The following CEP128 variants were observed in gnomAD, a reference collection of about 807,000 sequenced individuals.
The protein encoded by CEP128 is centrosomal protein 128.
In CEP128, 132 loss-of-function variants were observed where a neutral mutation model predicts 156.7. The observed-to-expected ratio is 0.84, with a 90% CI of 0.73 to 0.97. The LOEUF (loss-of-function observed/expected upper bound fraction) is 0.97. Among genes scored for constraint, CEP128 ranks in the 50% least tolerant of loss-of-function variants. CEP128 has a pLI of 0.00. For synonymous variants in CEP128, 469 were observed against 448.9 expected, an observed-to-expected ratio of 1.04 and a Z score of -0.57; for missense variants, 1,252 against 1,281.9, an observed-to-expected ratio of 0.98 and a Z score of 0.36.
intron 8 of CEP128, among the ~76,000 whole-genome samples, chr14:80,879,096 G>GA (rs942288841): frequency 2.0e-5 from 3 of 152,216 alleles, no homozygotes; most frequent in Admixed American, 6.5e-5. Flanking sequence ...GATCACAACT[G>GA]AAAAAACTTC....
intron 8 of CEP128, among the ~76,000 whole-genome samples, chr14:80,879,554 CAAG>C (rs1888433503): frequency 6.6e-6 from 1 of 150,706 alleles, no homozygotes; most frequent in Non-Finnish European, 1.5e-5. Flanking sequence ...ATCAATGAGA[CAAG>C]AATAAAATTG....
At chr14:80,481,476 C>T (rs8020519) in intron 14 of CEP128, among the ~76,000 whole-genome samples, 119,167 of 152,076 alleles carry the variant, frequency 0.78, 49,101 homozygotes, top group Non-Finnish European at 0.9. Flanking sequence ...CCAAACCATA[C>T]CACAAGGCTT....
At chr14:80,518,242 C>T (rs1021324037) in intron 23 of CEP128, among the ~76,000 whole-genome samples, 22 of 151,296 alleles carry the variant, frequency 1.5e-4, no homozygotes, top group African/African-American at 5.1e-4. Flanking sequence ...TTTTAGTGAG[C>T]TCTCTTTACT....
chr14:80,901,075 G>A (rs1224028238), intron 6 of CEP128, among the ~76,000 whole-genome samples: 1 of 151,852 alleles, frequency 6.6e-6, no homozygotes, highest in Non-Finnish European at 1.5e-5. Flanking sequence ...GCGTGGTAGC[G>A]GGCGCCTGTA....
intron 4 of CEP128, among the ~76,000 whole-genome samples, chr14:80,910,393 T>C (rs1656596508): frequency 6.6e-6 from 1 of 152,204 alleles, no homozygotes; most frequent in Non-Finnish European, 1.5e-5. Context: ...AGAGTTCTTA[T>C]GAATGGTCTA....
exon 15 of CEP128, chr14:80,477,093 A>G (rs1375987002): frequency 6.6e-6 from 1 of 152,210 alleles, no homozygotes. Flanking sequence ...ACCACATCAT[A>G]CAATTAAGAA....
intron 13 of CEP128, among the ~76,000 whole-genome samples, chr14:80,812,111 A>G (rs759032145): frequency 2.6e-5 from 4 of 152,144 alleles, no homozygotes; most frequent in South Asian, 2.1e-4. Flanking sequence ...GCCCATGTGT[A>G]ATCACTGTTT....
At chr14:80,852,750 C>A (rs1192756140) in intron 9 of CEP128, among the ~76,000 whole-genome samples, 1 of 151,644 alleles carries the variant, frequency 6.6e-6, no homozygotes, top group Non-Finnish European at 1.5e-5. Context: ...AATAGATAAT[C>A]CCTCTCTTAC....
chr14:80,766,389 A>T (rs1235140676), intron 16 of CEP128, among the ~76,000 whole-genome samples: 1 of 152,240 alleles, frequency 6.6e-6, no homozygotes, highest in East Asian at 1.9e-4. Context: ...AATTCAAAAG[A>T]TAAGAAATGC....
intron 23 of CEP128, among the ~76,000 whole-genome samples, chr14:80,514,251 A>G (rs892617343): frequency 6.6e-6 from 1 of 152,096 alleles, no homozygotes; most frequent in African/African-American, 2.4e-5. Flanking sequence ...CTGTACCCCA[A>G]CCACCTTGGG....
At chr14:80,822,454 C>T (rs1204256537) in intron 13 of CEP128, 13 of 518,878 alleles carry the variant, frequency 2.5e-5, no homozygotes, top group Non-Finnish European at 4.5e-5. Context: ...GAGGCGAGAA[C>T]GAACCCCTAA....
intron 19 of CEP128, among the ~76,000 whole-genome samples, chr14:80,642,242 C>G (rs1298522056): frequency 6.6e-6 from 1 of 152,086 alleles, no homozygotes; most frequent in Non-Finnish European, 1.5e-5. Context: ...GTAGAAACAC[C>G]TCATTCTAAG....
intron 18 of CEP128, among the ~76,000 whole-genome samples, chr14:80,754,424 T>G (rs769825958): frequency 1.3e-4 from 20 of 151,874 alleles, no homozygotes; most frequent in Non-Finnish European, 2.6e-4. Context: ...CTGCATATTG[T>G]CTGTCTTTCC....
intron 6 of CEP128, 152 bp from the exon 7 acceptor site, chr14:80,900,181 A>C (rs1330250634): frequency 1.9e-6 from 1 of 524,220 alleles, no homozygotes; most frequent in Non-Finnish European, 3.3e-6. Flanking sequence ...TGAAAGAAAA[A>C]AATTTTCCAA....
chr14:80,591,270 G>A (rs141183547), intron 19 of CEP128, among the ~76,000 whole-genome samples: 209 of 151,892 alleles, frequency 1.4e-3, no homozygotes, highest in African/African-American at 4.7e-3. Flanking sequence ...CCCATCTCAC[G>A]TACAAAGACA....
In CEP128 at chr14:80,513,192, T is replaced by G. The variant is rs552392982; in HGVS notation, c.3073-8172A>C. ...TAAATACCCTCAGCTTTTGTTTGTC[T>G]GGGAAAGTCTTCATTTCCCCTTCAC... is the stretch of plus-strand genomic sequence containing the variant. On this transcript the variant is annotated intron_variant, in intron 23 of 24. Coordinates refer to ENST00000555265, the MANE Select transcript of CEP128 (RefSeq NM_152446.5). Among the ~76,000 whole-genome samples, 4 of 152,244 alleles carry G rather than the reference T, an allele frequency of 2.6e-5. No homozygotes were observed. In the East Asian group the frequency reaches 7.7e-4, roughly 29 times the overall value.
chr14:80,547,974 AT>A (rs1241332970), intron 21 of CEP128, among the ~76,000 whole-genome samples: 3 of 151,908 alleles, frequency 2.0e-5, no homozygotes, highest in African/African-American at 7.3e-5. Context: ...AATTTTTTGT[AT>A]TTTTAGTAGA....
chr14:80,954,646 G>T (rs1042498093), intron 2 of CEP128, among the ~76,000 whole-genome samples: 1 of 152,146 alleles, frequency 6.6e-6, no homozygotes, highest in Admixed American at 6.5e-5. Flanking sequence ...GAATTATGCA[G>T]TATAGAAGGA....
intron 13 of CEP128, among the ~76,000 whole-genome samples, chr14:80,795,494 C>T (rs1366836680): frequency 6.6e-6 from 1 of 152,142 alleles, no homozygotes; most frequent in African/African-American, 2.4e-5. Flanking sequence ...ATTCACTGAA[C>T]ATAAACAACA....
Sources: allele counts gnomAD v4.1 joint callset (sites outside exome capture counted in the v4.1 genomes callset), GRCh38; gene constraint gnomAD v4.1.1; transcripts MANE v1.5; gene names NCBI Gene and HGNC (gene_info 2026-07-23, HGNC 2026-07-21).